The following KIAA1671 variants were observed in gnomAD, a reference collection of about 807,000 sequenced individuals.
KIAA1671 encodes uncharacterized protein KIAA1671.
In KIAA1671, 52 loss-of-function variants were observed where a neutral mutation model predicts 131.2. That is an observed-to-expected ratio of 0.40 (90% CI 0.32 to 0.50). The LOEUF is 0.50. KIAA1671 is among the 20% of genes least tolerant of loss of function. KIAA1671 has a pLI of 0.73. For synonymous variants in KIAA1671, 1,003 were observed against 961.6 expected, an observed-to-expected ratio of 1.04 and a Z score of -0.80; for missense variants, 2,360 against 2,364.2, an observed-to-expected ratio of 1.00 and a Z score of 0.04.
chr22:25,163,330 A>AT (rs1933514327), intron 6 of KIAA1671, among the ~76,000 whole-genome samples: 1 of 73,520 alleles, frequency 1.4e-5, no homozygotes, highest in Non-Finnish European at 2.6e-5. Flanking sequence ...CATTGCCTCA[A>AT]ATTTTTTTTT....
At chr22:25,023,915 A>T (rs1053438116) in intron 1 of KIAA1671, 1 of 150,966 alleles carries the variant, frequency 6.6e-6, no homozygotes, top group Non-Finnish European at 1.5e-5. Flanking sequence ...ATTGCACTCC[A>T]GCCTGGGTGA....
chr22:24,987,087 C>T (rs1220256437), intron 1 of KIAA1671, among the ~76,000 whole-genome samples: 1 of 151,992 alleles, frequency 6.6e-6, no homozygotes, highest in East Asian at 1.9e-4. Context: ...TAGACACACA[C>T]ATTTGATTTT....
chr22:25,041,637 C>T lies in KIAA1671; in HGVS notation c.4395+112C>T. On this transcript the variant is annotated intron_variant, in intron 5 of 12. Coordinates refer to ENST00000358431, the MANE Select transcript of KIAA1671 (RefSeq NM_001145206.2). ...CTTTGGGTACATAAATGAGTGGAGT[C>T]AGGCTGGGTATGAGGCTCCAGGGAG... is the stretch of plus-strand genomic sequence containing the variant. 15 of 1,137,256 alleles carry T rather than the reference C, an allele frequency of 1.3e-5. No homozygotes were observed. The South Asian group carries it at 2.1e-4, about 16-fold the overall frequency. The allele number at this position is 1,137,256 out of a possible 1,614,324, so 70.4% of individuals were successfully genotyped here.
In KIAA1671 at chr22:25,131,503, A is replaced by G. The variant is rs79474445; in HGVS notation, c.4531-39317A>G. On this transcript the variant is annotated intron_variant, in intron 6 of 12. Coordinates refer to ENST00000358431, the MANE Select transcript of KIAA1671 (RefSeq NM_001145206.2). ...CACGGGGCTGCTCATCCCTGAGGGA[A>G]AGTTAGGGATGAAGTCACCCTTCAG... Among the ~76,000 whole-genome samples, 212 of 152,264 alleles carry G rather than the reference A, an allele frequency of 1.4e-3. 1 individual carries two copies. Among genetic ancestry groups the G allele is most frequent in the African/African-American group, 4.6e-3 (192 of 41,544 alleles).
At chr22:25,112,512 C>G (rs1199454144) in intron 6 of KIAA1671, 1 of 397,994 alleles carries the variant, frequency 2.5e-6, no homozygotes, top group African/African-American at 2.1e-5. Context: ...GAAAGCTCCT[C>G]CCCTCCAGTC....
intron 1 of KIAA1671, among the ~76,000 whole-genome samples, chr22:25,016,323 A>G (rs1333979014): frequency 6.6e-6 from 1 of 152,132 alleles, no homozygotes; most frequent in Non-Finnish European, 1.5e-5. Context: ...CCAGCCAAGA[A>G]TCACAGGGGC....
intron 1 of KIAA1671, among the ~76,000 whole-genome samples, chr22:24,977,443 T>TTACCC (rs1156881755): frequency 1.3e-5 from 2 of 152,222 alleles, no homozygotes; most frequent in Non-Finnish European, 2.9e-5. Context: ...AGGAGGCTTC[T>TTACCC]TACCCCACAG....
intron 1 of KIAA1671, among the ~76,000 whole-genome samples, chr22:24,957,671 C>CTTTTTTTTTTTTT (rs886130979): frequency 3.0e-5 from 3 of 100,318 alleles, no homozygotes; most frequent in Non-Finnish European, 3.9e-5. Context: ...TCTTTTGTTC[C>CTTTTTTTTTTTTT]TTTTTTTTTT....
chr22:25,058,385 AT>A (rs768118695), intron 6 of KIAA1671: 13 of 151,928 alleles, frequency 8.6e-5, no homozygotes, highest in Non-Finnish European at 1.3e-4. Flanking sequence ...GTTTATTCCG[AT>A]TTTCTCAGTT....
At chr22:25,131,856 T>C (rs1190648608) in intron 6 of KIAA1671, among the ~76,000 whole-genome samples, 4 of 152,238 alleles carry the variant, frequency 2.6e-5, no homozygotes, top group Non-Finnish European at 5.9e-5. Context: ...CCTTGGTGCC[T>C]CACTGTCTTC....
intron 6 of KIAA1671, among the ~76,000 whole-genome samples, chr22:25,119,860 A>T (rs935369738): frequency 6.6e-6 from 1 of 152,200 alleles, no homozygotes; most frequent in Admixed American, 6.5e-5. Flanking sequence ...GAGCAGCACA[A>T]GTCAGTGGGA....
rs59590267 is a variant in KIAA1671 at position 25,188,447 on chromosome 22, GGTGTGTGTGTGT to G, written c.5343-2220_5343-2209del. Among the ~76,000 whole-genome samples, 104 of 137,970 alleles carry G rather than the reference GGTGTGTGTGTGT, an allele frequency of 7.5e-4. 2 individuals are homozygous for G. Among genetic ancestry groups the G allele is most frequent in the African/African-American group, 2.0e-3 (75 of 37,502 alleles). 90.5% of individuals were successfully genotyped at this position (137,970 alleles called of 152,430 possible). On this transcript the variant is annotated intron_variant, in intron 11 of 12. Transcript: ENST00000358431. Reference sequence around the variant, plus strand: ...TTCTCCAGAGAAACAGAGCCAATCGGGTGTGTGTGTGTGTGTGTGTGTGTGTGTGTGTGTGTG... The same window carrying G: ...TTCTCCAGAGAAACAGAGCCAATCGGGTGTGTGTGTGTGTGTGTGTGTGTG...
At chr22:25,111,449 G>A (rs1931341092) in intron 6 of KIAA1671, among the ~76,000 whole-genome samples, 1 of 152,228 alleles carries the variant, frequency 6.6e-6, no homozygotes, top group East Asian at 1.9e-4. Flanking sequence ...GGCCCCTCCT[G>A]CATTCCTGGG....
intron 1 of KIAA1671, among the ~76,000 whole-genome samples, chr22:24,965,740 C>CAAAAAAAAA (rs767916092): frequency 2.2e-5 from 1 of 45,888 alleles, no homozygotes. Flanking sequence ...AACTCCATCT[C>CAAAAAAAAA]AAAAAAAAAA....
chr22:25,135,437 C>T (rs959355212), intron 6 of KIAA1671, among the ~76,000 whole-genome samples: 19 of 152,156 alleles, frequency 1.2e-4, no homozygotes, highest in Non-Finnish European at 2.2e-4. Context: ...CCACCTGCCT[C>T]GGTCTCCCAA....
At chr22:25,095,519 C>T (rs1011906490) in intron 6 of KIAA1671, among the ~76,000 whole-genome samples, 5 of 152,016 alleles carry the variant, frequency 3.3e-5, no homozygotes, top group South Asian at 2.1e-4. Context: ...GGCATGGTGG[C>T]GGGCACCTGT....
chr22:24,983,092 G>A (rs1923317021), intron 1 of KIAA1671, among the ~76,000 whole-genome samples: 1 of 152,200 alleles, frequency 6.6e-6, no homozygotes, highest in South Asian at 2.1e-4. Context: ...CTGTGGGCTG[G>A]AGGGAGAGGC....
At chr22:25,176,319 T>C (rs1029538899) in intron 8 of KIAA1671, 1 of 152,260 alleles carries the variant, frequency 6.6e-6, no homozygotes, top group African/African-American at 2.4e-5. Flanking sequence ...AAATGATTCA[T>C]TGAAATTAGC....
At chr22:24,995,284 C>A (rs573463661) in intron 1 of KIAA1671, among the ~76,000 whole-genome samples, 156 of 151,460 alleles carry the variant, frequency 1.0e-3, no homozygotes, top group African/African-American at 3.6e-3. Flanking sequence ...GATCTCCTGA[C>A]CTCGTGATCT....
Sources: gnomAD v4.1 joint callset for allele counts (sites outside exome capture counted in the v4.1 genomes callset) on GRCh38, gnomAD v4.1.1 for gene constraint, MANE v1.5 for transcripts, NCBI Gene and HGNC (gene_info 2026-07-23, HGNC 2026-07-21) for gene names.